The following GCNA variants were observed in gnomAD, a reference collection of about 807,000 sequenced individuals.
GCNA encodes germ cell nuclear acidic peptidase, also known as germ cell nuclear acidic protein.
GCNA carries 3 observed loss-of-function variants against 38.8 expected under a neutral mutation model. That is an observed-to-expected ratio of 0.08 (90% CI 0.04 to 0.20). GCNA has a LOEUF of 0.20. Ranked by LOEUF, GCNA falls within the 10% of genes least tolerant of loss-of-function variation. The probability of loss-of-function intolerance (pLI) is 1.00; values close to 1 mark genes in which losing one functional copy is unlikely to be tolerated. For synonymous variants in GCNA, 195 were observed against 240.2 expected, an observed-to-expected ratio of 0.81 and a Z score of 1.74; for missense variants, 446 against 578.6, an observed-to-expected ratio of 0.77 and a Z score of 2.35.
At chrX:71,610,457 C>A (rs888570283) in intron 10 of GCNA, among the ~76,000 whole-genome samples, 8 of 111,305 alleles carry the variant, frequency 7.2e-5, no homozygotes, top group Non-Finnish European at 1.5e-4. Context: ...CTACTAAATA[C>A]GAAAAATTAG....
At chrX:71,581,742 T>G (rs1270067971) in intron 2 of GCNA, among the ~76,000 whole-genome samples, 3 of 111,862 alleles carry the variant, frequency 2.7e-5, no homozygotes, top group Non-Finnish European at 5.6e-5. Flanking sequence ...AATGAAACCA[T>G]TAAAATGTTA....
chrX:71,604,551 G>A lies in GCNA; in HGVS notation c.1274G>A (p.Arg425Lys). 2.5e-6 allele frequency: 3 copies of A among 1,193,038 alleles called. No homozygotes were observed. Among genetic ancestry groups the A allele is most frequent in the Non-Finnish European group, 3.4e-6 (3 of 885,820 alleles). ...ACCAAAACTATTGTGGAGCCACCGAGGAAAAGGCAGACAAAGACCAAAAAT... is the reference window on the plus strand; with the variant it reads ...ACCAAAACTATTGTGGAGCCACCGAAGAAAAGGCAGACAAAGACCAAAAAT... The part of the protein sequence containing the change: ...SKTKTIVEPP[R>K]KRQTKTKNIV... Residue 425 changes from arginine (R) to lysine (K), a missense_variant, in exon 8 of 13, where the codon AGG becomes AAG. Arg to Lys is a conservative substitution (Grantham distance 26). Coordinates refer to ENST00000373696, the MANE Select transcript of GCNA (RefSeq NM_052957.5).
chrX:71,598,179 T>A (rs930450243), intron 7 of GCNA, 141 bp downstream of exon 7: 2 of 452,630 alleles, frequency 4.4e-6, no homozygotes, highest in African/African-American at 4.9e-5. Context: ...TCGTATGTGC[T>A]GGCTGTGGAT....
At chrX:71,600,873 T>C (rs1305695727) in intron 7 of GCNA, among the ~76,000 whole-genome samples, 1 of 111,978 alleles carries the variant, frequency 8.9e-6, no homozygotes, top group East Asian at 2.8e-4. Flanking sequence ...ACAGTTAAGT[T>C]AGTGACTTAC....
At chrX:71,610,097 T>C (rs2040798561) in intron 10 of GCNA, among the ~76,000 whole-genome samples, 1 of 111,090 alleles carries the variant, frequency 9.0e-6, no homozygotes. Flanking sequence ...AGTCCTGCAC[T>C]CACGTGTTCT....
Position 71,604,349 on chromosome X carries a change from G to A in GCNA, c.1072G>A (p.Ala358Thr). The A allele has an allele frequency of 8.2e-7, 1 of 1,212,145 alleles. No homozygotes were observed. The highest frequency in any genetic ancestry group is 1.1e-6 in the Non-Finnish European group (1 of 895,599). ...AGATGAAGAAGAGCTGGTTGAGGCT[G>A]CTGCTGCTGTCTCCCAGCATGATTC... ...ASDEEELVEA[A>T]AAVSQHDSSD... Residue 358 changes from alanine (A) to threonine (T), a missense_variant, in exon 8 of 13, where the codon GCT becomes ACT. By Grantham distance (58) the Ala-to-Thr change is moderately conservative. Coordinates refer to ENST00000373696, the MANE Select transcript of GCNA (RefSeq NM_052957.5).
chrX:71,580,963 C>A, intron 2 of GCNA, 83 bp downstream of exon 2: 1 of 928,886 alleles, frequency 1.1e-6, no homozygotes, highest in Non-Finnish European at 1.5e-6. Flanking sequence ...ATGTTTATTT[C>A]CTTTAGTATC....
chrX:71,603,783 CCGA>C lies in GCNA; in HGVS notation c.511_513del (p.Asp171del), dbSNP rs767770631. 4.8e-5 allele frequency: 58 copies of C among 1,207,383 alleles called. No homozygotes were observed. In the Admixed American group the frequency reaches 1.2e-3, roughly 25 times the overall value. On this transcript the variant is annotated inframe_deletion, in exon 8 of 13. Transcript: ENST00000373696. Reference sequence around the variant, plus strand: ...GACAACAGTGATGATTCGGAAGCTCCCGACGACAACAGTGATGATTCGGAAGCT... The same window carrying C: ...GACAACAGTGATGATTCGGAAGCTCCCGACAACAGTGATGATTCGGAAGCT...
chrX:71,578,787 T>A (rs2040520656), intron 1 of GCNA, among the ~76,000 whole-genome samples: 2 of 107,038 alleles, frequency 1.9e-5, no homozygotes, highest in African/African-American at 6.9e-5. Flanking sequence ...GGGGCGCCGG[T>A]GGCGGCGTAG....
chrX:71,599,940 AAG>A (rs759382782), intron 7 of GCNA, among the ~76,000 whole-genome samples: 48 of 112,624 alleles, frequency 4.3e-4, no homozygotes, highest in Non-Finnish European at 8.8e-4. Context: ...AATAACAGAT[AAG>A]ACTCTCAAAA....
At chrX:71,592,082 A>G (rs1346864695) in intron 2 of GCNA, 40 bp from the exon 3 acceptor site, 21 of 1,060,520 alleles carry the variant, frequency 2.0e-5, no homozygotes, top group Non-Finnish European at 2.7e-5. Flanking sequence ...TATGGCGTCG[A>G]TAGCCCTCCT....
chrX:71,594,836 G>A, intron 6 of GCNA, 57 bp downstream of exon 6: 1 of 1,057,869 alleles, frequency 9.5e-7, no homozygotes, highest in Non-Finnish European at 1.3e-6. Context: ...ATTAAGGGGG[G>A]AAAAACCCCA....
In GCNA at chrX:71,598,037, C is replaced by A. The variant is rs764174655; in HGVS notation, c.309C>A (p.Asp103Glu). 2.4e-5 allele frequency: 29 copies of A among 1,190,674 alleles called. No individual in the cohort carries two copies. The Middle Eastern group carries it at 7.0e-4, about 29-fold the overall frequency. ...CTAAGTTATTGGAAATAAACAGCGA[C>A]GGCAAGTATATATTACTTTGTTAGA... ...KKAKLLEINS[D>E]DESPECCHVK... Residue 103 changes from aspartate to glutamate, a missense_variant and splice_region_variant, in exon 7 of 13, where the codon GAC (aspartate) becomes GAA (glutamate). Transcript: ENST00000373696.
At chrX:71,601,842 G>A (rs748480005) in intron 7 of GCNA, among the ~76,000 whole-genome samples, 2 of 112,375 alleles carry the variant, frequency 1.8e-5, no homozygotes, top group South Asian at 7.4e-4. Context: ...CACCGTGCCC[G>A]ACCTCCATTC....
intron 2 of GCNA, among the ~76,000 whole-genome samples, chrX:71,583,196 T>C (rs753902455): frequency 8.9e-6 from 1 of 112,698 alleles, no homozygotes; most frequent in South Asian, 3.6e-4. Flanking sequence ...CTTAACTTTC[T>C]AGAAGGATAA....
At chrX:71,609,726 C>G (rs1217784349) in intron 10 of GCNA, among the ~76,000 whole-genome samples, 3 of 111,632 alleles carry the variant, frequency 2.7e-5, no homozygotes, top group Non-Finnish European at 3.8e-5. Context: ...AAATTTACAT[C>G]AGTAGGCACC....
At chrX:71,607,225 T>C (rs2040774906) in intron 9 of GCNA, among the ~76,000 whole-genome samples, 1 of 112,274 alleles carries the variant, frequency 8.9e-6, no homozygotes, top group African/African-American at 3.2e-5. Flanking sequence ...TAAATACTGA[T>C]GTAAATTTGC....
At chrX:71,589,856 G>T (rs1164341436) in intron 2 of GCNA, among the ~76,000 whole-genome samples, 3 of 110,137 alleles carry the variant, frequency 2.7e-5, no homozygotes, top group Non-Finnish European at 5.7e-5. Flanking sequence ...CTGTCACCCA[G>T]GTGGGAACTG....
intron 7 of GCNA, among the ~76,000 whole-genome samples, chrX:71,598,515 T>A (rs1427693322): frequency 9.0e-6 from 1 of 111,682 alleles, no homozygotes. Flanking sequence ...TCTTTTTCCA[T>A]TGAGCTGCTG....
Sources: allele counts gnomAD v4.1 joint callset (sites outside exome capture counted in the v4.1 genomes callset), GRCh38; gene constraint gnomAD v4.1.1; transcripts MANE v1.5; gene names NCBI Gene and HGNC (gene_info 2026-07-23, HGNC 2026-07-21).